Variants in CDK8 observed in about 807,000 individuals in gnomAD.
CDK8 encodes the protein cyclin-dependent kinase 8.
A neutral mutation model predicts 71.5 loss-of-function variants in CDK8; 29 were observed. The observed-to-expected ratio is 0.41, with a 90% confidence interval of 0.30 to 0.55. The LOEUF is 0.55. Ranked by LOEUF, CDK8 falls within the 20% of genes least tolerant of loss-of-function variation. CDK8 has a pLI of 0.37. For synonymous variants in CDK8, 161 were observed against 192.1 expected (o/e 0.84, Z 1.34); for missense variants, 288 against 572.6 (o/e 0.50, Z 5.07).
At chr13:26,370,784 A>C (rs1874628165) in intron 4 of CDK8, among the ~76,000 whole-genome samples, 1 of 152,210 alleles carries the variant, frequency 6.6e-6, no homozygotes, top group Non-Finnish European at 1.5e-5. Context: ...TAAGATATTT[A>C]TATTACATGT....
intron 1 of CDK8, among the ~76,000 whole-genome samples, chr13:26,264,366 G>A (rs1455491905): frequency 6.6e-6 from 1 of 151,908 alleles, no homozygotes; most frequent in Non-Finnish European, 1.5e-5. Context: ...GCTCACTTCA[G>A]CCTTGAATTC....
At chr13:26,402,726 C>T (rs962482294) in intron 12 of CDK8, among the ~76,000 whole-genome samples, 7 of 152,196 alleles carry the variant, frequency 4.6e-5, no homozygotes, top group Non-Finnish European at 8.8e-5. Flanking sequence ...GAGTGCATCT[C>T]TCTTGGCCCA....
chr13:26,392,045 AGGTATT>A (rs1460858718), intron 6 of CDK8, among the ~76,000 whole-genome samples: 3 of 152,176 alleles, frequency 2.0e-5, no homozygotes, highest in Non-Finnish European at 4.4e-5. Context: ...TATTTGTCAC[AGGTATT>A]GGTTAAGTCA....
At chr13:26,328,037 C>A (rs929798141) in intron 1 of CDK8, among the ~76,000 whole-genome samples, 1 of 149,792 alleles carries the variant, frequency 6.7e-6, no homozygotes, top group Admixed American at 6.7e-5. Context: ...ACCAAAGATA[C>A]CACACCAAAG....
chr13:26,310,102 C>T (rs1350339587), intron 1 of CDK8, among the ~76,000 whole-genome samples: 3 of 152,224 alleles, frequency 2.0e-5, no homozygotes, highest in Admixed American at 6.5e-5. Context: ...AGTACATTCA[C>T]ATCATTGTGC....
In CDK8 at chr13:26,401,527, A is replaced by G. The variant is rs1430274600; in HGVS notation, c.1172A>G (p.Gln391Arg). Residue 391 changes from glutamine to arginine, a missense_variant, in exon 12 of 13, where the codon CAA becomes CGA. By Grantham distance (43) the Gln-to-Arg change is conservative. Around this residue, in one of 6 missense-constraint regions of CDK8, gnomAD observed 76 missense variants for 99.7 expected, o/e 0.76. Coordinates refer to ENST00000381527, the MANE Select transcript of CDK8 (RefSeq NM_001260.3). The surrounding 1 kb of genome is among the most constrained non-coding windows in gnomAD (Gnocchi z 4.5). ...HTNGTGHPGN[Q>R]DSSHTQGPPL... The stretch of plus-strand genomic sequence containing the variant: ...AATGGAACTGGCCACCCAGGGAATC[A>G]AGACAGCAGTCACACACAGGGACCC... The G allele has an allele frequency of 1.2e-6, 2 of 1,614,086 alleles. No homozygotes were observed. Among genetic ancestry groups the G allele is most frequent in the Non-Finnish European group, 1.7e-6 (2 of 1,180,038 alleles).
intron 3 of CDK8, among the ~76,000 whole-genome samples, chr13:26,350,042 G>T (rs775834002): frequency 6.6e-6 from 1 of 152,148 alleles, no homozygotes; most frequent in Non-Finnish European, 1.5e-5. Context: ...CAGGTTTGTA[G>T]CCTAGGAGCA....
At chr13:26,303,900 C>T (rs1873925508) in intron 1 of CDK8, among the ~76,000 whole-genome samples, 3 of 152,174 alleles carry the variant, frequency 2.0e-5, no homozygotes, top group South Asian at 2.1e-4. Flanking sequence ...AACCCAGCTA[C>T]ACTCGATTTC....
chr13:26,304,347 A>G (rs1253923661), intron 1 of CDK8, among the ~76,000 whole-genome samples: 1 of 151,960 alleles, frequency 6.6e-6, no homozygotes, highest in Non-Finnish European at 1.5e-5. Context: ...ATCAAGCCTA[A>G]CAAACATTAT....
At chr13:26,335,182 T>G (rs1872924212) in intron 1 of CDK8, among the ~76,000 whole-genome samples, 1 of 152,198 alleles carries the variant, frequency 6.6e-6, no homozygotes, top group Non-Finnish European at 1.5e-5. Flanking sequence ...TTACATATGT[T>G]GTCTTAGTTT....
chr13:26,358,096 C>G (rs1873972475), intron 4 of CDK8, among the ~76,000 whole-genome samples: 1 of 151,866 alleles, frequency 6.6e-6, no homozygotes, highest in South Asian at 2.1e-4. Flanking sequence ...GAGATTGAGA[C>G]CATCCTGGCT....
chr13:26,332,151 A>AT (rs1328959945), intron 1 of CDK8, among the ~76,000 whole-genome samples: 2 of 151,858 alleles, frequency 1.3e-5, no homozygotes, highest in Non-Finnish European at 2.9e-5. Context: ...TTATACGTTG[A>AT]TTTTGTAACC....
chr13:26,310,468 CAACTAG>C (rs1565966909), intron 1 of CDK8, among the ~76,000 whole-genome samples: 1 of 152,030 alleles, frequency 6.6e-6, no homozygotes, highest in Non-Finnish European at 1.5e-5. Context: ...TGTTTTCCTG[CAACTAG>C]ATGGTTCCAT....
At chr13:26,403,498 C>T (rs1379284584) in intron 12 of CDK8, among the ~76,000 whole-genome samples, 1 of 152,056 alleles carries the variant, frequency 6.6e-6, no homozygotes, top group Admixed American at 6.5e-5. Context: ...TGTATTAATG[C>T]CAAAGAAATG....
rs573810841 is a variant in CDK8, at chr13:26,308,692, A to G, written c.129-28875A>G. On this transcript the variant is annotated intron_variant, in intron 1 of 12. Coordinates refer to ENST00000381527, the MANE Select transcript of CDK8 (RefSeq NM_001260.3). ...TTTTCTGGGCACTGAATCTTCTTCA[A>G]GTTACCACGCTTTCACCTTTTCTTA... Among the ~76,000 whole-genome samples, 5 of 152,312 alleles carry G rather than the reference A, an allele frequency of 3.3e-5. No individual in the cohort carries two copies. In the South Asian group the frequency reaches 6.2e-4, roughly 19 times the overall value.
chr13:26,379,710 C>T lies in CDK8; in HGVS notation c.457-3104C>T, dbSNP rs370407681. Among the ~76,000 whole-genome samples, 88 of 152,232 alleles carry T rather than the reference C, an allele frequency of 5.8e-4. 1 individual carries two copies. The highest frequency in any genetic ancestry group is 4.8e-3 in the South Asian group (23 of 4,824). On this transcript the variant is annotated intron_variant, in intron 4 of 12. Transcript: ENST00000381527. ...GTATTCGTTGTGCTTTTGCCAGATA[C>T]GGAGAGAATCTTTTAGGATTGAACA...
chr13:26,278,219 G>C (rs1396139120), intron 1 of CDK8, among the ~76,000 whole-genome samples: 1 of 152,180 alleles, frequency 6.6e-6, no homozygotes, highest in Non-Finnish European at 1.5e-5. Context: ...ATTTCTTAGA[G>C]AACATCAGCC....
intron 6 of CDK8, among the ~76,000 whole-genome samples, chr13:26,387,376 T>A (rs1161562028): frequency 2.0e-5 from 3 of 152,210 alleles, no homozygotes; most frequent in Non-Finnish European, 4.4e-5. Context: ...TTACTAAAAC[T>A]GCTTGAGAAC....
intron 4 of CDK8, among the ~76,000 whole-genome samples, chr13:26,363,654 A>C (rs963293398): frequency 2.0e-5 from 3 of 152,096 alleles, no homozygotes; most frequent in Non-Finnish European, 2.9e-5. Context: ...ACAGGCACAA[A>C]CAACCTTGCC....
Sources: gnomAD v4.1 joint callset for allele counts (sites outside exome capture counted in the v4.1 genomes callset) on GRCh38, gnomAD v4.1.1 for gene constraint, gnomAD v4.1.1 regional missense constraint, Gnocchi (gnomAD v3.1) non-coding constraint, MANE v1.5 for transcripts, NCBI Gene and HGNC (gene_info 2026-07-23, HGNC 2026-07-21) for gene names.